The following GPATCH2 variants were observed in gnomAD, a reference collection of about 807,000 sequenced individuals.
GPATCH2 encodes G-patch domain containing 2.
In GPATCH2, 51 loss-of-function variants were observed where a neutral mutation model predicts 58.0. That is an observed-to-expected ratio of 0.88 (90% CI 0.70 to 1.11). GPATCH2 has a LOEUF of 1.11. Ranked by LOEUF, GPATCH2 falls within the 50% of genes most tolerant of loss-of-function variation. The pLI, the probability that GPATCH2 is intolerant of heterozygous loss-of-function variation, is 0.00. For missense variants in GPATCH2, 625 were observed against 652.2 expected (o/e 0.96, Z 0.45); for synonymous variants, 222 against 218.5 (o/e 1.02, Z -0.14).
intron 1 of GPATCH2, among the ~76,000 whole-genome samples, chr1:217,627,308 T>C (rs1375447034): frequency 2.6e-5 from 4 of 152,022 alleles, no homozygotes; most frequent in Non-Finnish European, 5.9e-5. Flanking sequence ...CTTGAGGGTA[T>C]TATAGTTAAA....
At chr1:217,572,707 C>G (rs1666624892) in intron 5 of GPATCH2, among the ~76,000 whole-genome samples, 1 of 152,316 alleles carries the variant, frequency 6.6e-6, no homozygotes, top group East Asian at 1.9e-4. Context: ...ATTACCAAAT[C>G]TCTTTTAAAA....
chr1:217,506,967 T>C (rs969664610), intron 6 of GPATCH2, among the ~76,000 whole-genome samples: 1 of 152,242 alleles, frequency 6.6e-6, no homozygotes, highest in Non-Finnish European at 1.5e-5. Context: ...TATATAATAA[T>C]GCATTTATGT....
chr1:217,442,823 C>T (rs368850449), intron 9 of GPATCH2, among the ~76,000 whole-genome samples: 1 of 152,022 alleles, frequency 6.6e-6, no homozygotes, highest in African/African-American at 2.4e-5. Context: ...GTAGTTTCTC[C>T]ATTTACATTT....
chr1:217,592,434 T>G lies in GPATCH2; in HGVS notation c.1098+17887A>C, dbSNP rs569247403. Among the ~76,000 whole-genome samples the G allele has an allele frequency of 2.0e-5, 3 of 151,822 alleles. No homozygotes were observed. In the East Asian group the frequency reaches 5.8e-4, roughly 29 times the overall value. On this transcript the variant is annotated intron_variant, in intron 5 of 9. Coordinates refer to ENST00000366935, the MANE Select transcript of GPATCH2 (RefSeq NM_018040.5). ...AATTTATATAATAGCACAGAGGAGG[T>G]GAAGGTATACAAAAATGGATACCAA...
At chr1:217,516,255 A>G (rs1663145464) in intron 5 of GPATCH2, among the ~76,000 whole-genome samples, 1 of 152,146 alleles carries the variant, frequency 6.6e-6, no homozygotes, top group Admixed American at 6.5e-5. Context: ...CTGTAATTAT[A>G]GAAGTGCCAT....
chr1:217,579,485 C>T (rs1259138961), intron 5 of GPATCH2, among the ~76,000 whole-genome samples: 2 of 151,960 alleles, frequency 1.3e-5, no homozygotes, highest in Non-Finnish European at 2.9e-5. Flanking sequence ...TAAATCAATA[C>T]ATTCAGAATG....
intron 5 of GPATCH2, among the ~76,000 whole-genome samples, chr1:217,576,698 A>G (rs1462392031): frequency 6.6e-6 from 1 of 152,176 alleles, no homozygotes; most frequent in Non-Finnish European, 1.5e-5. Flanking sequence ...GGACCTTGAC[A>G]TGACTGTTGA....
chr1:217,565,899 C>T (rs868696268), intron 5 of GPATCH2, among the ~76,000 whole-genome samples: 6 of 151,812 alleles, frequency 4.0e-5, no homozygotes, highest in East Asian at 1.9e-4. Context: ...GTTGGGAGTT[C>T]GAGACCAGCC....
At chr1:217,551,297 C>G (rs1326445201) in intron 5 of GPATCH2, among the ~76,000 whole-genome samples, 1 of 152,064 alleles carries the variant, frequency 6.6e-6, no homozygotes, top group Non-Finnish European at 1.5e-5. Flanking sequence ...TCAATTCGTT[C>G]AATTCATTCT....
chr1:217,555,167 T>A (rs758829358), intron 5 of GPATCH2, among the ~76,000 whole-genome samples: 5 of 152,156 alleles, frequency 3.3e-5, no homozygotes, highest in Non-Finnish European at 7.4e-5. Flanking sequence ...TTGTTCCAGG[T>A]CCTCTTTTTA....
intron 5 of GPATCH2, chr1:217,609,086 C>G (rs929296148): frequency 1.3e-6 from 1 of 790,898 alleles, no homozygotes; most frequent in African/African-American, 1.9e-5. Flanking sequence ...TATTAAATCA[C>G]ATTGTTTTTC....
At chr1:217,553,445 T>C (rs1456539089) in intron 5 of GPATCH2, among the ~76,000 whole-genome samples, 2 of 152,110 alleles carry the variant, frequency 1.3e-5, no homozygotes, top group Non-Finnish European at 2.9e-5. Flanking sequence ...TGAAGGATCA[T>C]GTGAATATGG....
At chr1:217,447,804 A>G (rs1369844962) in intron 9 of GPATCH2, among the ~76,000 whole-genome samples, 1 of 152,194 alleles carries the variant, frequency 6.6e-6, no homozygotes, top group Non-Finnish European at 1.5e-5. Context: ...TCCCTAATAG[A>G]GAACGTGGCT....
intron 5 of GPATCH2, among the ~76,000 whole-genome samples, chr1:217,604,650 C>A (rs1004727901): frequency 6.6e-6 from 1 of 152,104 alleles, no homozygotes; most frequent in African/African-American, 2.4e-5. Flanking sequence ...TTTTTAAAAT[C>A]ATTTTAGATT....
chr1:217,505,614 A>AC (rs1431109257), intron 6 of GPATCH2, among the ~76,000 whole-genome samples: 1 of 152,030 alleles, frequency 6.6e-6, no homozygotes, highest in East Asian at 1.9e-4. Flanking sequence ...TCTCCTAAAA[A>AC]TGTACTTTTC....
chr1:217,500,326 C>A (rs1050015921), intron 6 of GPATCH2, among the ~76,000 whole-genome samples: 1 of 151,938 alleles, frequency 6.6e-6, no homozygotes. Flanking sequence ...TCCCAAAGCC[C>A]TCTGTCTACT....
intron 5 of GPATCH2, among the ~76,000 whole-genome samples, chr1:217,553,972 A>T (rs1665488465): frequency 6.6e-6 from 1 of 152,220 alleles, no homozygotes; most frequent in Admixed American, 6.5e-5. Context: ...GCTCTGGCCT[A>T]GTGAACAAGC....
chr1:217,592,519 A>C (rs530957080), intron 5 of GPATCH2, among the ~76,000 whole-genome samples: 1 of 151,956 alleles, frequency 6.6e-6, no homozygotes, highest in Non-Finnish European at 1.5e-5. Flanking sequence ...ACCAGTGTTC[A>C]CCACATGATA....
chr1:217,614,769 T>C (rs1048322439), intron 2 of GPATCH2, among the ~76,000 whole-genome samples: 8 of 149,738 alleles, frequency 5.3e-5, no homozygotes, highest in Non-Finnish European at 7.4e-5. Context: ...AAGGTCACTT[T>C]TAAGCAAAAA....
Sources: gnomAD v4.1 joint callset for allele counts (sites outside exome capture counted in the v4.1 genomes callset) on GRCh38, gnomAD v4.1.1 for gene constraint, MANE v1.5 for transcripts, NCBI Gene and HGNC (gene_info 2026-07-23, HGNC 2026-07-21) for gene names.